Variants in RAPGEF2 observed in about 807,000 individuals in gnomAD.
RAPGEF2 encodes PDZ domain containing guanine nucleotide exchange factor (GEF) 1.
Under a neutral mutation model 186.7 loss-of-function variants are expected in RAPGEF2, and 54 were observed. That is an observed-to-expected ratio of 0.29 (90% CI 0.23 to 0.36). The LOEUF (loss-of-function observed/expected upper bound fraction) is 0.36. Ranked by LOEUF, RAPGEF2 falls within the 10% of genes least tolerant of loss-of-function variation. The pLI, the probability that RAPGEF2 is intolerant of heterozygous loss-of-function variation, is 1.00. For synonymous variants in RAPGEF2, 712 were observed against 705.9 expected (o/e 1.01, Z -0.14); for missense variants, 1,532 against 2,045.0 (o/e 0.75, Z 4.84).
intron 2 of RAPGEF2, among the ~76,000 whole-genome samples, chr4:159,192,667 A>C (rs1378687600): frequency 6.6e-6 from 1 of 152,224 alleles, no homozygotes; most frequent in Non-Finnish European, 1.5e-5. Flanking sequence ...GGGATGAATC[A>C]GCTGAAGTAA....
intron 11 of RAPGEF2, among the ~76,000 whole-genome samples, chr4:159,325,850 C>T (rs943906453): frequency 3.3e-5 from 5 of 152,086 alleles, no homozygotes; most frequent in African/African-American, 1.2e-4. Context: ...GGAAGAGAAT[C>T]TAATTTATTT....
chr4:159,208,873 A>G (rs901800972), intron 3 of RAPGEF2, among the ~76,000 whole-genome samples: 5 of 151,638 alleles, frequency 3.3e-5, no homozygotes, highest in African/African-American at 1.2e-4. Context: ...CCTAGGAAAA[A>G]AAAAGAAATC....
chr4:159,196,532 AC>A (rs1237123523), intron 3 of RAPGEF2, among the ~76,000 whole-genome samples: 3 of 140,730 alleles, frequency 2.1e-5, no homozygotes, highest in African/African-American at 5.2e-5. Context: ...TAAATATAAT[AC>A]TCTTTTGATC....
intron 1 of RAPGEF2, among the ~76,000 whole-genome samples, chr4:159,161,187 T>C (rs1317333417): frequency 6.6e-6 from 1 of 152,206 alleles, no homozygotes; most frequent in Non-Finnish European, 1.5e-5. Context: ...ATGTATTAAT[T>C]TGTTTTCAGA....
intron 7 of RAPGEF2, among the ~76,000 whole-genome samples, chr4:159,283,304 TC>T (rs1256747999): frequency 6.6e-6 from 1 of 152,180 alleles, no homozygotes; most frequent in Non-Finnish European, 1.5e-5. Context: ...AAAATAATTT[TC>T]CAATGTGTTC....
intron 7 of RAPGEF2, among the ~76,000 whole-genome samples, chr4:159,267,584 C>A (rs955610777): frequency 1.3e-5 from 2 of 152,164 alleles, no homozygotes; most frequent in African/African-American, 4.8e-5. Context: ...CCGATTCACA[C>A]GCTCTGCCCT....
intron 4 of RAPGEF2, among the ~76,000 whole-genome samples, chr4:159,226,100 G>GT (rs1752003990): frequency 6.6e-6 from 1 of 152,024 alleles, no homozygotes; most frequent in Non-Finnish European, 1.5e-5. Flanking sequence ...TTCTAGAAAG[G>GT]TAATAGTTTT....
intron 7 of RAPGEF2, among the ~76,000 whole-genome samples, chr4:159,298,042 A>G (rs1762227936): frequency 6.6e-6 from 1 of 152,192 alleles, no homozygotes; most frequent in African/African-American, 2.4e-5. Context: ...AGTAATTACA[A>G]ATTGTTAATT....
intron 4 of RAPGEF2, among the ~76,000 whole-genome samples, chr4:159,218,449 A>G (rs1238385678): frequency 6.6e-6 from 1 of 152,190 alleles, no homozygotes; most frequent in Non-Finnish European, 1.5e-5. Flanking sequence ...CATTTTCTTT[A>G]TAGAGAACAT....
chr4:159,256,510 T>C (rs1227587001), intron 7 of RAPGEF2, among the ~76,000 whole-genome samples: 1 of 152,240 alleles, frequency 6.6e-6, no homozygotes, highest in Non-Finnish European at 1.5e-5. Context: ...GATGAACATA[T>C]GTGTGTGAGT....
rs544609442 is a variant in RAPGEF2 at position 159,250,759 on chromosome 4, G to A, written c.543+6968G>A. ...CATCTTGGCTCACTGCAACTGAGAG[G>A]TGACAACGTGCTAGCAGCCCTCGCT... On this transcript the variant is annotated intron_variant, in intron 7 of 29. Transcript: ENST00000691494. Among the ~76,000 whole-genome samples the A allele has an allele frequency of 7.3e-5, 11 of 151,046 alleles. No homozygotes were observed. The South Asian group carries it at 2.1e-3, about 29-fold the overall frequency.
intron 1 of RAPGEF2, among the ~76,000 whole-genome samples, chr4:159,158,635 G>T (rs1179127078): frequency 5.3e-5 from 8 of 151,750 alleles, no homozygotes; most frequent in Admixed American, 5.2e-4. Flanking sequence ...CTTGGTGGTC[G>T]CAAACAAAAA....
At chr4:159,181,255 C>T (rs543238274) in intron 1 of RAPGEF2, among the ~76,000 whole-genome samples, 70 of 152,256 alleles carry the variant, frequency 4.6e-4, no homozygotes, top group Middle Eastern at 3.4e-3. Context: ...GCCTTAAGGC[C>T]GTTCTTTGAT....
At chr4:159,136,560 T>G (rs904421630) in intron 1 of RAPGEF2, among the ~76,000 whole-genome samples, 1 of 152,210 alleles carries the variant, frequency 6.6e-6, no homozygotes, top group African/African-American at 2.4e-5. Context: ...TACTATGCTT[T>G]TTAACTCATA....
chr4:159,260,066 C>A (rs542997974), intron 7 of RAPGEF2, among the ~76,000 whole-genome samples: 1 of 152,038 alleles, frequency 6.6e-6, no homozygotes, highest in South Asian at 2.1e-4. Flanking sequence ...GGTGCAGTCA[C>A]GGGTCAATGC....
chr4:159,104,556 G>T (rs1737654745), intron 1 of RAPGEF2, among the ~76,000 whole-genome samples: 1 of 149,548 alleles, frequency 6.7e-6, no homozygotes, highest in Admixed American at 6.7e-5. Flanking sequence ...GAGAGAGAGT[G>T]TGTGTGTGTG....
chr4:159,268,193 T>C, intron 7 of RAPGEF2: 9 of 1,608,810 alleles, frequency 5.6e-6, no homozygotes, highest in Non-Finnish European at 7.7e-6. Context: ...CATGGAGTTA[T>C]GGGCCAGCAG....
intron 7 of RAPGEF2, among the ~76,000 whole-genome samples, chr4:159,293,216 C>T (rs1445599051): frequency 2.6e-5 from 4 of 152,124 alleles, no homozygotes; most frequent in Non-Finnish European, 5.9e-5. Context: ...AAACAATTTT[C>T]TCGTCTTAAT....
At chr4:159,242,949 T>A (rs907881475) in intron 6 of RAPGEF2, among the ~76,000 whole-genome samples, 1 of 152,010 alleles carries the variant, frequency 6.6e-6, no homozygotes, top group Non-Finnish European at 1.5e-5. Flanking sequence ...TGTTTGTTCT[T>A]ATAGTCATAT....
Sources: allele counts gnomAD v4.1 joint callset (sites outside exome capture counted in the v4.1 genomes callset), GRCh38; gene constraint gnomAD v4.1.1; transcripts MANE v1.5; gene names NCBI Gene and HGNC (gene_info 2026-07-23, HGNC 2026-07-21).